TENT5C: variants seen among roughly 807,000 people sequenced by gnomAD.
TENT5C encodes the protein family with sequence similarity 46 member C.
In TENT5C, 5 loss-of-function variants were observed where a neutral mutation model predicts 22.2. That is an observed-to-expected ratio of 0.22 (90% CI 0.12 to 0.47). The LOEUF is 0.47. TENT5C is among the 20% of genes least tolerant of loss of function. TENT5C has a pLI of 0.99. For missense variants in TENT5C, 364 were observed against 500.9 expected, an observed-to-expected ratio of 0.73 and a Z score of 2.61; for synonymous variants, 199 against 195.4, an observed-to-expected ratio of 1.02 and a Z score of -0.15.
At position 117,627,656 on chromosome 1, in the gene TENT5C, A is replaced by T. The variant is rs1570867437; in HGVS notation, c.*3612A>T. 5 of 248,112 alleles carry T rather than the reference A, an allele frequency of 2.0e-5. No individual in the cohort carries two copies. In the East Asian group the frequency reaches 3.0e-4, roughly 15 times the overall value. The allele number at this position is 248,112 out of a possible 1,614,324, so 15.4% of individuals were successfully genotyped here. A position where few individuals can be genotyped will look rare whatever the true frequency, so the allele number is the denominator to read the frequency against. On this transcript the variant is annotated 3_prime_UTR_variant, in exon 2 of 2. Transcript: ENST00000369448. ...ATCCAGTTTCCAAGGTTAGATTCACATCCTTAATCTTGCAGAGACTAGAAT... is the reference window on the plus strand; with the variant it reads ...ATCCAGTTTCCAAGGTTAGATTCACTTCCTTAATCTTGCAGAGACTAGAAT...
chr1:117,613,872 C>T (rs1314062358), intron 1 of TENT5C, among the ~76,000 whole-genome samples: 2 of 152,172 alleles, frequency 1.3e-5, no homozygotes, highest in Non-Finnish European at 2.9e-5. Context: ...TGGCCTGGGG[C>T]AGTTACTTCT....
chr1:117,623,509 G>C lies in TENT5C; in HGVS notation c.641G>C (p.Ser214Thr). 6.2e-7 allele frequency: 1 copy of C among 1,614,020 alleles called. No homozygotes were observed. Among genetic ancestry groups the C allele is most frequent in the Admixed American group, 1.7e-5 (1 of 60,010 alleles). ...EHFHPTVIGE[S>T]MYGDFEEAFD... ...TTCCACCCCACCGTGATTGGGGAGAGCATGTACGGGGACTTTGAGGAAGCT... is the reference window on the plus strand; with the variant it reads ...TTCCACCCCACCGTGATTGGGGAGACCATGTACGGGGACTTTGAGGAAGCT... Residue 214 changes from serine to threonine, a missense_variant, in exon 2 of 2, where the codon AGC becomes ACC. Coordinates refer to ENST00000369448, the MANE Select transcript of TENT5C (RefSeq NM_017709.4).
rs143257254 is a variant in TENT5C, at chr1:117,626,943, G to A, written c.*2899G>A. The A allele has an allele frequency of 2.0e-3, 493 of 248,054 alleles. 1 individual carries two copies. Among genetic ancestry groups the A allele is most frequent in the African/African-American group, 9.0e-3 (408 of 45,420 alleles). 15.4% of individuals were successfully genotyped at this position (248,054 alleles called of 1,614,324 possible). On this transcript the variant is annotated 3_prime_UTR_variant, in exon 2 of 2. Coordinates refer to ENST00000369448, the MANE Select transcript of TENT5C (RefSeq NM_017709.4). Reference sequence around the variant, plus strand: ...TCCTCTCACATTGGCAGAATAGCACGCACTAGATGCCTGACCTTGAGCTCT... The same window carrying A: ...TCCTCTCACATTGGCAGAATAGCACACACTAGATGCCTGACCTTGAGCTCT...
intron 1 of TENT5C, among the ~76,000 whole-genome samples, chr1:117,606,902 G>A (rs1317501179): frequency 6.6e-6 from 1 of 152,208 alleles, no homozygotes. Context: ...TGCGGTGTCT[G>A]TGAAACCTGC....
At chr1:117,606,562 C>G (rs1230340826) in intron 1 of TENT5C, among the ~76,000 whole-genome samples, 3 of 152,214 alleles carry the variant, frequency 2.0e-5, no homozygotes, top group Non-Finnish European at 4.4e-5. Context: ...ACGGCGCCCC[C>G]CGCCACCCAT....
Position 117,627,056 on chromosome 1 carries a change from C to T in TENT5C, c.*3012C>T, listed in dbSNP as rs962712557. On this transcript the variant is annotated 3_prime_UTR_variant, in exon 2 of 2. Coordinates refer to ENST00000369448, the MANE Select transcript of TENT5C (RefSeq NM_017709.4). ...CTGAAACTGAACTCTATTACTAATG[C>T]CTTCCAATCAGAGTTCCTGATGGGG... The T allele has an allele frequency of 4.0e-6, 1 of 248,064 alleles. No homozygotes were observed. The highest frequency in any genetic ancestry group is 8.5e-6 in the Non-Finnish European group (1 of 118,134). 15.4% of individuals were successfully genotyped at this position (248,064 alleles called of 1,614,324 possible). A position where few individuals can be genotyped will look rare whatever the true frequency, so the allele number is the denominator to read the frequency against.
rs1653999739 is a variant in TENT5C, at chr1:117,625,867, C to T, written c.*1823C>T. 2 of 247,866 alleles carry T rather than the reference C, an allele frequency of 8.1e-6. No individual in the cohort carries two copies. Among genetic ancestry groups the T allele is most frequent in the South Asian group, 3.6e-4 (2 of 5,524 alleles). 15.4% of individuals were successfully genotyped at this position (247,866 alleles called of 1,614,324 possible). On this transcript the variant is annotated 3_prime_UTR_variant, in exon 2 of 2. Transcript: ENST00000369448. ...TGTGCTACATTAGGTGACTAGAAGC[C>T]ACTTCTTAGTGTAATCAGCTCCTGT...
At position 117,626,774 on chromosome 1, in the gene TENT5C, T is replaced by G; in HGVS notation, c.*2730T>G. On this transcript the variant is annotated 3_prime_UTR_variant, in exon 2 of 2. Coordinates refer to ENST00000369448, the MANE Select transcript of TENT5C (RefSeq NM_017709.4). ...AGCACTGAAGTTCACATGCAAGTTC[T>G]AATCTAAAGTTAAGCAGTCTCTTAT... 1 of 248,178 alleles carries G rather than the reference T, an allele frequency of 4.0e-6. No individual in the cohort carries two copies. Among genetic ancestry groups the G allele is most frequent in the Non-Finnish European group, 8.5e-6 (1 of 118,134 alleles). The allele number at this position is 248,178 out of a possible 1,614,324, so 15.4% of individuals were successfully genotyped here.
At chr1:117,619,438 T>C (rs1020496435) in intron 1 of TENT5C, among the ~76,000 whole-genome samples, 4 of 152,202 alleles carry the variant, frequency 2.6e-5, no homozygotes, top group Non-Finnish European at 5.9e-5. Flanking sequence ...TATTTCTGAT[T>C]TGTTGAAGCT....
At chr1:117,613,381 T>C (rs1653708614) in intron 1 of TENT5C, among the ~76,000 whole-genome samples, 1 of 152,222 alleles carries the variant, frequency 6.6e-6, no homozygotes, top group Non-Finnish European at 1.5e-5. Context: ...TCTAGGCCAG[T>C]GTTTTGATTC....
At chr1:117,619,539 A>G (rs1441627172) in intron 1 of TENT5C, among the ~76,000 whole-genome samples, 1 of 152,116 alleles carries the variant, frequency 6.6e-6, no homozygotes, top group African/African-American at 2.4e-5. Flanking sequence ...TTTGAATTAT[A>G]TAGTCAAATA....
chr1:117,620,196 CTT>C (rs1392222459), intron 1 of TENT5C, among the ~76,000 whole-genome samples: 2 of 152,204 alleles, frequency 1.3e-5, no homozygotes, highest in African/African-American at 4.8e-5. Flanking sequence ...ATTGTCCTGA[CTT>C]TAATCCTACA....
At chr1:117,610,770 G>A (rs1223182056) in intron 1 of TENT5C, among the ~76,000 whole-genome samples, 1 of 152,142 alleles carries the variant, frequency 6.6e-6, no homozygotes, top group Admixed American at 6.5e-5. Context: ...CTCGTGATCT[G>A]CCTGCCTCAG....
intron 1 of TENT5C, among the ~76,000 whole-genome samples, chr1:117,610,196 C>T (rs1319360623): frequency 1.3e-5 from 2 of 151,988 alleles, no homozygotes; most frequent in African/African-American, 2.4e-5. Flanking sequence ...TAAGTGAGTC[C>T]GCCTCCCCTG....
At chr1:117,617,438 T>G (rs1653812193) in intron 1 of TENT5C, among the ~76,000 whole-genome samples, 1 of 151,488 alleles carries the variant, frequency 6.6e-6, no homozygotes, top group African/African-American at 2.4e-5. Context: ...AGTCAGATAA[T>G]AGAAGAAAAG....
At chr1:117,622,453 A>C (rs931319235) in intron 1 of TENT5C, among the ~76,000 whole-genome samples, 1 of 152,166 alleles carries the variant, frequency 6.6e-6, no homozygotes, top group Admixed American at 6.6e-5. Flanking sequence ...CCTAGGTGTC[A>C]ACCAGGTCGA....
chr1:117,610,664 A>G lies in TENT5C; in HGVS notation c.-28+4511A>G, dbSNP rs113857261. Among the ~76,000 whole-genome samples, 229 of 152,296 alleles carry G rather than the reference A, an allele frequency of 1.5e-3. 1 individual carries two copies. Among genetic ancestry groups the G allele is most frequent in the African/African-American group, 5.4e-3 (223 of 41,554 alleles). Reference sequence around the variant, plus strand: ...TACCTCAGCCTCCTGAATAGCTGGGACTACAGGTGCACACCACCACACCCA... The same window carrying G: ...TACCTCAGCCTCCTGAATAGCTGGGGCTACAGGTGCACACCACCACACCCA... On this transcript the variant is annotated intron_variant, in intron 1 of 1. Transcript: ENST00000369448.
At chr1:117,620,043 A>G (rs1482738297) in intron 1 of TENT5C, among the ~76,000 whole-genome samples, 2 of 152,184 alleles carry the variant, frequency 1.3e-5, no homozygotes, top group African/African-American at 2.4e-5. Context: ...TGAGTCTACT[A>G]GAAGTTCACA....
intron 1 of TENT5C, among the ~76,000 whole-genome samples, chr1:117,620,208 A>C (rs1344432987): frequency 6.6e-6 from 1 of 152,230 alleles, no homozygotes; most frequent in Non-Finnish European, 1.5e-5. Flanking sequence ...TTAATCCTAC[A>C]TGACGTCTTT....
Sources: allele counts gnomAD v4.1 joint callset (sites outside exome capture counted in the v4.1 genomes callset), GRCh38; gene constraint gnomAD v4.1.1; transcripts MANE v1.5; gene names NCBI Gene and HGNC (gene_info 2026-07-23, HGNC 2026-07-21).